Variants in TBC1D22B observed in about 807,000 individuals in gnomAD.
TBC1D22B encodes chromosome 6 open reading frame 197.
A neutral mutation model predicts 69.1 loss-of-function variants in TBC1D22B; 32 were observed. That is an observed-to-expected ratio of 0.46 (90% CI 0.35 to 0.62). The LOEUF is 0.62. Among genes scored for constraint, TBC1D22B ranks in the 20% least tolerant of loss-of-function variants. The pLI is 0.00. For missense variants in TBC1D22B, 462 were observed against 630.9 expected (o/e 0.73, Z 2.87); for synonymous variants, 206 against 229.8 (o/e 0.90, Z 0.94).
chr6:37,323,621 A>G (rs1768314237), intron 12 of TBC1D22B, among the ~76,000 whole-genome samples: 2 of 152,198 alleles, frequency 1.3e-5, no homozygotes. Flanking sequence ...AAATAGTGCT[A>G]AGCCCATGGG....
intron 1 of TBC1D22B, among the ~76,000 whole-genome samples, chr6:37,267,513 A>T (rs1021778603): frequency 2.6e-4 from 36 of 136,312 alleles, no homozygotes; most frequent in Admixed American, 2.4e-3. Flanking sequence ...TATATATATA[A>T]TATATATATA....
In TBC1D22B at chr6:37,329,570, A is replaced by G. The variant is rs1768523846; in HGVS notation, c.1390-1474A>G. On this transcript the variant is annotated intron_variant, in intron 12 of 12. Transcript: ENST00000373491. ...TTGATAGATATGGTATGTATTTGTT[A>G]AGATGATATAAACTTGTCTACTGTA... 3.9e-5 allele frequency among the ~76,000 whole-genome samples: 6 copies of G among 152,356 alleles called. No homozygotes were observed. The South Asian group carries it at 1.2e-3, about 32-fold the overall frequency.
Position 37,279,567 on chromosome 6 carries a change from A to G in TBC1D22B, c.377A>G (p.Lys126Arg). The G allele has an allele frequency of 6.2e-7, 1 of 1,614,158 alleles. No homozygotes were observed. The highest frequency in any genetic ancestry group is 8.5e-7 in the Non-Finnish European group (1 of 1,180,000). ...ACATCGGACGTCCCTGCCAACTACA[A>G]GGTCATAAAGTCCAGCAGTGATGCC... ...STTSDVPANYKVIKSSSDAQL... is the reference protein window; with the variant it reads ...STTSDVPANYRVIKSSSDAQL... Residue 126 changes from lysine to arginine, a missense_variant, in exon 3 of 13, where the codon AAG (lysine) becomes AGG (arginine). Physicochemically the swap from Lys to Arg is conservative, Grantham distance 26. Coordinates refer to ENST00000373491, the MANE Select transcript of TBC1D22B (RefSeq NM_017772.4).
chr6:37,324,521 A>T, intron 12 of TBC1D22B: 5 of 350,674 alleles, frequency 1.4e-5, no homozygotes, highest in South Asian at 1.1e-4. Flanking sequence ...GGGTCCAGTG[A>T]TACATTAGTA....
rs759850188 is a variant in TBC1D22B, at chr6:37,282,241, A to G, written c.478A>G (p.Ile160Val). Reference sequence around the variant, plus strand: ...ACAGCAATCACTCCCTCTCCGGCCCATCATCCCCCTCGTTGCCCGGATCTC... The same window carrying G: ...ACAGCAATCACTCCCTCTCCGGCCCGTCATCCCCCTCGTTGCCCGGATCTC... ...HKQQSLPLRP[I>V]IPLVARISDQ... The change falls in exon 4 of 13, where the codon ATC becomes GTC. Residue 160 changes from isoleucine (I) to valine (V), a missense_variant. By Grantham distance (29) the Ile-to-Val change is conservative. Transcript: ENST00000373491. 1.2e-6 allele frequency: 2 copies of G among 1,614,126 alleles called. No homozygotes were observed. The highest frequency in any genetic ancestry group is 3.3e-5 in the Admixed American group (2 of 60,008).
chr6:37,280,903 A>C (rs892688762), intron 3 of TBC1D22B, among the ~76,000 whole-genome samples: 1 of 151,822 alleles, frequency 6.6e-6, no homozygotes, highest in African/African-American at 2.4e-5. Context: ...GTAAATAGGT[A>C]ATATGAAATT....
At chr6:37,328,967 T>C (rs956750608) in intron 12 of TBC1D22B, among the ~76,000 whole-genome samples, 4 of 152,118 alleles carry the variant, frequency 2.6e-5, no homozygotes, top group African/African-American at 9.7e-5. Context: ...CCTCAAGTGA[T>C]TGGCCCACTT....
At chr6:37,268,335 C>G (rs766197891) in intron 1 of TBC1D22B, among the ~76,000 whole-genome samples, 3 of 151,982 alleles carry the variant, frequency 2.0e-5, no homozygotes, top group Non-Finnish European at 4.4e-5. Flanking sequence ...GTCAAGCGAT[C>G]CCCCCGTCTC....
intron 6 of TBC1D22B, among the ~76,000 whole-genome samples, chr6:37,286,558 G>T (rs1317052594): frequency 6.6e-6 from 1 of 151,716 alleles, no homozygotes; most frequent in South Asian, 2.1e-4. Context: ...CTCATGATCC[G>T]CCCGGCTTGG....
rs764951767 is a variant in TBC1D22B at position 37,272,905 on chromosome 6, A to G, written c.113+3255A>G. ...TTGTTCAGATATTGAGTAAGCAACAATGCACTTAGGGGAGGTATTAACATT... is the reference window on the plus strand; with the variant it reads ...TTGTTCAGATATTGAGTAAGCAACAGTGCACTTAGGGGAGGTATTAACATT... On this transcript the variant is annotated intron_variant, in intron 2 of 12. Transcript: ENST00000373491. Among the ~76,000 whole-genome samples, 21 of 152,266 alleles carry G rather than the reference A, an allele frequency of 1.4e-4. No homozygotes were observed. The South Asian group carries it at 2.5e-3, about 18-fold the overall frequency.
intron 8 of TBC1D22B, chr6:37,295,550 T>A: frequency 2.5e-6 from 1 of 392,916 alleles, no homozygotes; most frequent in Middle Eastern, 8.7e-4. Flanking sequence ...TGCTGGCATG[T>A]CTTCTGAGTC....
intron 8 of TBC1D22B, among the ~76,000 whole-genome samples, chr6:37,297,478 A>G (rs1767420200): frequency 6.6e-6 from 1 of 152,218 alleles, no homozygotes; most frequent in Non-Finnish European, 1.5e-5. Context: ...GCCATTTTAT[A>G]AGGTGAAATA....
Position 37,332,323 on chromosome 6 carries a change from C to G in TBC1D22B, c.*1151C>G, listed in dbSNP as rs1354469116. The G allele has an allele frequency of 6.6e-6, 1 of 152,600 alleles. No individual in the cohort carries two copies. Among genetic ancestry groups the G allele is most frequent in the Non-Finnish European group, 1.5e-5 (1 of 68,046 alleles). 9.5% of individuals were successfully genotyped at this position (152,600 alleles called of 1,614,324 possible). On this transcript the variant is annotated 3_prime_UTR_variant, in exon 13 of 13. Transcript: ENST00000373491. Reference sequence around the variant, plus strand: ...TCTGCCCTTTGCTCCTAGCAGCCTCCCCAGGAAGGGACTGCAGAGGCGGGC... The same window carrying G: ...TCTGCCCTTTGCTCCTAGCAGCCTCGCCAGGAAGGGACTGCAGAGGCGGGC...
intron 12 of TBC1D22B, among the ~76,000 whole-genome samples, chr6:37,320,429 A>G (rs1768205824): frequency 6.6e-6 from 1 of 152,044 alleles, no homozygotes; most frequent in Admixed American, 6.5e-5. Flanking sequence ...GACAGTTAGA[A>G]TAGTGTACTT....
At chr6:37,313,975 A>G (rs973857513) in intron 10 of TBC1D22B, 84 bp downstream of exon 10, 7 of 1,277,572 alleles carry the variant, frequency 5.5e-6, no homozygotes, top group Non-Finnish European at 8.0e-6. Flanking sequence ...TCCTCTCCTC[A>G]GCTGTCTTCC....
At chr6:37,277,979 C>T (rs1044416708) in intron 2 of TBC1D22B, among the ~76,000 whole-genome samples, 1 of 150,320 alleles carries the variant, frequency 6.7e-6, no homozygotes, top group Non-Finnish European at 1.5e-5. Context: ...AAAAAAAAAG[C>T]TAGACATGGT....
intron 1 of TBC1D22B, among the ~76,000 whole-genome samples, chr6:37,264,086 A>C (rs1208181821): frequency 6.6e-6 from 1 of 151,786 alleles, no homozygotes; most frequent in Non-Finnish European, 1.5e-5. Flanking sequence ...CCAGTTAGCC[A>C]TGGAATTAAG....
At chr6:37,289,584 G>A (rs1455787929) in intron 7 of TBC1D22B, among the ~76,000 whole-genome samples, 7 of 152,138 alleles carry the variant, frequency 4.6e-5, no homozygotes, top group Admixed American at 6.5e-5. Context: ...ACAGCCAGGC[G>A]CCAAGGATTT....
intron 6 of TBC1D22B, among the ~76,000 whole-genome samples, chr6:37,285,553 C>T (rs187399909): frequency 2.2e-4 from 33 of 152,158 alleles, no homozygotes; most frequent in African/African-American, 6.3e-4. Flanking sequence ...AGTGCAGTGG[C>T]GCAATCTCGG....
Sources: gnomAD v4.1 joint callset for allele counts (sites outside exome capture counted in the v4.1 genomes callset) on GRCh38, gnomAD v4.1.1 for gene constraint, MANE v1.5 for transcripts, NCBI Gene and HGNC (gene_info 2026-07-23, HGNC 2026-07-21) for gene names.